The following TAX1BP1 variants were observed in gnomAD, a reference collection of about 807,000 sequenced individuals.
The protein encoded by TAX1BP1 is tax1-binding protein 1.
TAX1BP1 carries 62 observed loss-of-function variants against 97.7 expected under a neutral mutation model. The ratio of observed to expected loss-of-function variants is 0.63; its 90% confidence interval spans 0.52 to 0.78. The LOEUF (loss-of-function observed/expected upper bound fraction) is 0.78, where lower values mean the gene tolerates loss of function less well. Among genes scored for constraint, TAX1BP1 ranks in the 30% least tolerant of loss-of-function variants. The pLI is 0.00. For missense variants in TAX1BP1, 867 were observed against 916.1 expected, an observed-to-expected ratio of 0.95 and a Z score of 0.69; for synonymous variants, 340 against 304.2, an observed-to-expected ratio of 1.12 and a Z score of -1.23.
At position 27,823,121 on chromosome 7, in the gene TAX1BP1, AT is replaced by A. The variant is rs1791040597; in HGVS notation, c.2086-4616del. 3.3e-5 allele frequency among the ~76,000 whole-genome samples: 5 copies of A among 152,302 alleles called. No individual in the cohort carries two copies. The South Asian group carries it at 1.0e-3, about 32-fold the overall frequency. On this transcript the variant is annotated intron_variant, in intron 15 of 16. Coordinates refer to ENST00000396319, the MANE Select transcript of TAX1BP1 (RefSeq NM_006024.7). ...AATTAGATAAATTATATATAGTTCAATGTTATTTCTTCATTGATATATTACT... is the reference window on the plus strand; with the variant it reads ...AATTAGATAAATTATATATAGTTCAAGTTATTTCTTCATTGATATATTACT...
intron 5 of TAX1BP1, among the ~76,000 whole-genome samples, chr7:27,778,946 G>GT (rs964440672): frequency 5.9e-5 from 9 of 151,860 alleles, no homozygotes; most frequent in Admixed American, 2.6e-4. Flanking sequence ...ATTTTAGGAT[G>GT]TTTTTTATCA....
At chr7:27,822,975 C>T (rs1400301287) in intron 15 of TAX1BP1, among the ~76,000 whole-genome samples, 3 of 151,980 alleles carry the variant, frequency 2.0e-5, no homozygotes, top group Non-Finnish European at 4.4e-5. Flanking sequence ...CAAAGTAAAG[C>T]TTTTGAAAAC....
At chr7:27,803,820 C>T (rs1243854333) in intron 13 of TAX1BP1, among the ~76,000 whole-genome samples, 1 of 152,110 alleles carries the variant, frequency 6.6e-6, no homozygotes, top group Non-Finnish European at 1.5e-5. Flanking sequence ...CTTTTGTTGC[C>T]TAATGAAGTA....
chr7:27,804,694 T>C (rs1403496172), intron 13 of TAX1BP1, among the ~76,000 whole-genome samples: 1 of 152,226 alleles, frequency 6.6e-6, no homozygotes, highest in Non-Finnish European at 1.5e-5. Flanking sequence ...ATGTGGCAGA[T>C]GGGGAATTGT....
At chr7:27,786,275 G>A (rs1006114100) in intron 7 of TAX1BP1, among the ~76,000 whole-genome samples, 2 of 151,942 alleles carry the variant, frequency 1.3e-5, no homozygotes, top group Non-Finnish European at 2.9e-5. Flanking sequence ...GGGACTACAG[G>A]TGCCCGCGAC....
chr7:27,776,324 G>A (rs913565254), intron 5 of TAX1BP1, among the ~76,000 whole-genome samples: 1 of 152,040 alleles, frequency 6.6e-6, no homozygotes, highest in African/African-American at 2.4e-5. Context: ...TAACATTTTT[G>A]TAGTGCAGGT....
chr7:27,800,905 C>G (rs1307057700), intron 13 of TAX1BP1, among the ~76,000 whole-genome samples: 1 of 151,938 alleles, frequency 6.6e-6, no homozygotes, highest in East Asian at 1.9e-4. Context: ...GAGTTTGAGA[C>G]CAGCCTGGCC....
chr7:27,807,460 C>T (rs927648723), intron 13 of TAX1BP1, among the ~76,000 whole-genome samples: 3 of 151,970 alleles, frequency 2.0e-5, no homozygotes, highest in Non-Finnish European at 4.4e-5. Flanking sequence ...TTAACCTTGA[C>T]ATTTTTGAAA....
chr7:27,798,980 TTAA>T lies in TAX1BP1; in HGVS notation c.1639-983_1639-981del, dbSNP rs1790037969. The stretch of plus-strand genomic sequence containing the variant: ...GTCTGTAGCTTGCCTTTTCATTTCC[TTAA>T]TGATGTTTTTAGAAAAGCAAAATTT... On this transcript the variant is annotated intron_variant, in intron 12 of 16. Coordinates refer to ENST00000396319, the MANE Select transcript of TAX1BP1 (RefSeq NM_006024.7). 4.6e-5 allele frequency among the ~76,000 whole-genome samples: 7 copies of T among 152,022 alleles called. 1 individual carries two copies. In the South Asian group the frequency reaches 1.5e-3, roughly 32 times the overall value.
At chr7:27,756,767 GA>G (rs561384332) in intron 2 of TAX1BP1, among the ~76,000 whole-genome samples, 1 of 151,898 alleles carries the variant, frequency 6.6e-6, no homozygotes, top group African/African-American at 2.4e-5. Context: ...ACTGTGAAAG[GA>G]AAAAAATGGG....
At chr7:27,778,859 TA>T (rs10710065) in intron 5 of TAX1BP1, among the ~76,000 whole-genome samples, 86,143 of 147,868 alleles carry the variant, frequency 0.58, 24,939 homozygotes, top group Non-Finnish European at 0.6. Context: ...AGACTGCGTT[TA>T]AAAAAAAAAA....
chr7:27,827,613 A>G (rs1791227758), intron 15 of TAX1BP1, 125 bp from the exon 16 acceptor site: 1 of 695,036 alleles, frequency 1.4e-6, no homozygotes, highest in Admixed American at 2.6e-5. Flanking sequence ...TAATTAAATG[A>G]TAGCAGAGAG....
chr7:27,780,791 T>C (rs1017110036), intron 5 of TAX1BP1, among the ~76,000 whole-genome samples: 6 of 152,258 alleles, frequency 3.9e-5, no homozygotes, highest in African/African-American at 1.2e-4. Context: ...CTTTACAAAG[T>C]AATAGTTTTA....
At chr7:27,756,062 T>C (rs539394943) in intron 2 of TAX1BP1, among the ~76,000 whole-genome samples, 161 of 152,292 alleles carry the variant, frequency 1.1e-3, no homozygotes, top group African/African-American at 3.7e-3. Context: ...ACCAGGAAAA[T>C]AAAACAGAGA....
chr7:27,781,423 C>T (rs1789254043), intron 5 of TAX1BP1, among the ~76,000 whole-genome samples: 1 of 152,118 alleles, frequency 6.6e-6, no homozygotes. Flanking sequence ...ACCTGTACAG[C>T]ATGTTAGTGT....
intron 15 of TAX1BP1, 25 bp from the exon 16 acceptor site, chr7:27,827,713 A>C (rs1791235609): frequency 6.3e-7 from 1 of 1,598,886 alleles, no homozygotes; most frequent in African/African-American, 1.3e-5. Context: ...TTTTCTTAAA[A>C]GTTCCAAAAT....
intron 2 of TAX1BP1, among the ~76,000 whole-genome samples, chr7:27,752,633 G>T (rs573503119): frequency 1.4e-4 from 21 of 152,306 alleles, no homozygotes; most frequent in African/African-American, 4.8e-4. Context: ...GACTGGGTTG[G>T]AGGTTTTTGT....
In TAX1BP1 at chr7:27,758,110, T is replaced by G; in HGVS notation, c.242T>G (p.Val81Gly). Reference protein sequence around the residue: ...MPEHYVEGSTVNCVLAFQGYY... With the variant: ...MPEHYVEGSTGNCVLAFQGYY... ...GAACATTATGTGGAAGGATCAACAG[T>G]CAATTGTGTACTAGCATTCCAAGGT... Residue 81 changes from valine to glycine, a missense_variant, in exon 3 of 17, where the codon GTC (valine) becomes GGC (glycine). By Grantham distance (109) the Val-to-Gly change is moderately radical (BLOSUM62 -3). Transcript: ENST00000396319. 1 of 1,611,798 alleles carries G rather than the reference T, an allele frequency of 6.2e-7. No homozygotes were observed. The highest frequency in any genetic ancestry group is 8.5e-7 in the Non-Finnish European group (1 of 1,178,930).
rs1051917565 is a variant in TAX1BP1 at position 27,829,504 on chromosome 7, T to A, written c.*675T>A. The A allele has an allele frequency of 6.6e-6, 1 of 152,202 alleles. No homozygotes were observed. Among genetic ancestry groups the A allele is most frequent in the Admixed American group, 6.5e-5 (1 of 15,268 alleles). The allele number at this position is 152,202 out of a possible 1,614,324, so 9.4% of individuals were successfully genotyped here. Reference sequence around the variant, plus strand: ...TGTATGTATATATCTAATGGGAAAATGGAACAAGAGATGTCAGTATAATTG... The same window carrying A: ...TGTATGTATATATCTAATGGGAAAAAGGAACAAGAGATGTCAGTATAATTG... On this transcript the variant is annotated 3_prime_UTR_variant, in exon 17 of 17. Coordinates refer to ENST00000396319, the MANE Select transcript of TAX1BP1 (RefSeq NM_006024.7).
Sources: gnomAD v4.1 joint callset for allele counts (sites outside exome capture counted in the v4.1 genomes callset) on GRCh38, gnomAD v4.1.1 for gene constraint, MANE v1.5 for transcripts, NCBI Gene and HGNC (gene_info 2026-07-23, HGNC 2026-07-21) for gene names.